ATP2A2: variants seen among roughly 807,000 people sequenced by gnomAD.
ATP2A2 encodes the protein sarcoplasmic/endoplasmic reticulum calcium ATPase 2.
Under a neutral mutation model 109.3 loss-of-function variants are expected in ATP2A2, and 14 were observed. The ratio of observed to expected loss-of-function variants is 0.13; its 90% CI spans 0.08 to 0.20. The LOEUF (loss-of-function observed/expected upper bound fraction) is 0.20. Among genes scored for constraint, ATP2A2 ranks in the 10% least tolerant of loss-of-function variants. The pLI is 1.00. For missense variants in ATP2A2, 657 were observed against 1,321.6 expected (o/e 0.50, Z 7.80); for synonymous variants, 506 against 490.9 (o/e 1.03, Z -0.41).
rs1880206014 is a variant in ATP2A2 at position 110,349,555 on chromosome 12, AT to A, written c.*3086del. ...CAGTGAGCTCCCAGGCAAGCAGGGC[AT>A]CTGGCCGACTTCCCTCACAACAGCT... On this transcript the variant is annotated 3_prime_UTR_variant, in exon 20 of 20. Coordinates refer to ENST00000539276, the MANE Select transcript of ATP2A2 (RefSeq NM_170665.4). 2 of 986,514 alleles carry A rather than the reference AT, an allele frequency of 2.0e-6. 1 individual carries two copies. Among genetic ancestry groups the A allele is most frequent in the Admixed American group, 1.2e-4 (2 of 16,450 alleles). The allele number at this position is 986,514 out of a possible 1,614,324, so 61.1% of individuals were successfully genotyped here. A position where few individuals can be genotyped will look rare whatever the true frequency, so the allele number is the denominator to read the frequency against.
intron 5 of ATP2A2, among the ~76,000 whole-genome samples, chr12:110,313,948 A>G (rs1364365954): frequency 6.6e-6 from 1 of 151,110 alleles, no homozygotes; most frequent in East Asian, 2.0e-4. Context: ...TCCTGACCTC[A>G]AGAGATCCAC....
At chr12:110,345,203 G>A in intron 17 of ATP2A2, 46 bp from the exon 18 acceptor site, 3 of 1,613,974 alleles carry the variant, frequency 1.9e-6, no homozygotes, top group Non-Finnish European at 1.7e-6. Flanking sequence ...GCCTGGACTT[G>A]GGAAATATAC....
At position 110,340,372 on chromosome 12, in the gene ATP2A2, C is replaced by CT; in HGVS notation, c.1762-286dup. ...TGACCAACATGGAGAAACCACATCT[C>CT]TACTAAAAATACAAAATTAGCCAGG... On this transcript the variant is annotated intron_variant, in intron 13 of 19. Transcript: ENST00000539276. The surrounding 1 kb of genome is among the most constrained non-coding windows in gnomAD (Gnocchi z 6.0). Among the ~76,000 whole-genome samples the CT allele has an allele frequency of 6.6e-6, 1 of 152,118 alleles. No individual in the cohort carries two copies. The highest frequency in any genetic ancestry group is 2.1e-4 in the South Asian group (1 of 4,816).
rs1879191574 is a variant in ATP2A2, at chr12:110,339,958, A to T, written c.1761+237A>T. Among the ~76,000 whole-genome samples, 1 of 152,258 alleles carries T rather than the reference A, an allele frequency of 6.6e-6. No homozygotes were observed. Among genetic ancestry groups the T allele is most frequent in the African/African-American group, 2.4e-5 (1 of 41,470 alleles). On this transcript the variant is annotated intron_variant, in intron 13 of 19. Coordinates refer to ENST00000539276, the MANE Select transcript of ATP2A2 (RefSeq NM_170665.4). This position sits in a 1 kb window ranked among gnomAD's most constrained non-coding sequence, Gnocchi z 4.4. ...GAATATTTTCAAAGTAGAATAATCA[A>T]GATGAGCTTAAGCTTGTAAACCCCA...
chr12:110,327,210 G>C lies in ATP2A2; in HGVS notation c.631-343G>C, dbSNP rs185442263. Among the ~76,000 whole-genome samples, 13 of 152,258 alleles carry C rather than the reference G, an allele frequency of 8.5e-5. No individual in the cohort carries two copies. In the East Asian group the frequency reaches 2.5e-3, roughly 29 times the overall value. On this transcript the variant is annotated intron_variant, in intron 7 of 19. Transcript: ENST00000539276. The surrounding 1 kb of genome is among the most constrained non-coding windows in gnomAD (Gnocchi z 4.4). ...TTCTATTACAGTGAGAAAAGTAGGGGCCTTGAGTTGTTGGAGCCAGAAGTG... is the reference window on the plus strand; with the variant it reads ...TTCTATTACAGTGAGAAAAGTAGGGCCCTTGAGTTGTTGGAGCCAGAAGTG...
chr12:110,328,657 C>T (rs534780107), intron 8 of ATP2A2, among the ~76,000 whole-genome samples: 1 of 152,206 alleles, frequency 6.6e-6, no homozygotes, highest in Non-Finnish European at 1.5e-5. Context: ...CAGCCTCAAC[C>T]TCCCAGGCTC....
chr12:110,293,542 G>A (rs903782400), intron 4 of ATP2A2, among the ~76,000 whole-genome samples: 2 of 150,950 alleles, frequency 1.3e-5, no homozygotes, highest in African/African-American at 4.9e-5. Flanking sequence ...TTACAGGCAC[G>A]TGCCACCATG....
At position 110,350,323 on chromosome 12, in the gene ATP2A2, T is replaced by C; in HGVS notation, c.*3853T>C. ...TGGAGTAACCGCTTCCTAAACCATTTTGCAGAAATGTAAGGGTGTTCGGTT... is the reference window on the plus strand; with the variant it reads ...TGGAGTAACCGCTTCCTAAACCATTCTGCAGAAATGTAAGGGTGTTCGGTT... On this transcript the variant is annotated 3_prime_UTR_variant, in exon 20 of 20. Transcript: ENST00000539276. The C allele has an allele frequency of 6.2e-7, 1 of 1,614,242 alleles. No homozygotes were observed. The highest frequency in any genetic ancestry group is 8.5e-7 in the Non-Finnish European group (1 of 1,180,044).
rs1877910301 is a variant in ATP2A2 at position 110,327,343 on chromosome 12, G to A, written c.631-210G>A. 6.6e-6 allele frequency among the ~76,000 whole-genome samples: 1 copy of A among 152,188 alleles called. No homozygotes were observed. The highest frequency in any genetic ancestry group is 2.4e-5 in the African/African-American group (1 of 41,434). On this transcript the variant is annotated intron_variant, in intron 7 of 19. Coordinates refer to ENST00000539276, the MANE Select transcript of ATP2A2 (RefSeq NM_170665.4). This position sits in a 1 kb window ranked among gnomAD's most constrained non-coding sequence, Gnocchi z 4.4. Reference sequence around the variant, plus strand: ...AAGCCGGGCTCAAATAGAAATCTAGGTGGGTCAGTACAGAGCTGCCTGACA... The same window carrying A: ...AAGCCGGGCTCAAATAGAAATCTAGATGGGTCAGTACAGAGCTGCCTGACA...
intron 4 of ATP2A2, 42 bp downstream of exon 4, chr12:110,292,166 G>T: frequency 7.3e-7 from 1 of 1,376,814 alleles, no homozygotes; most frequent in Non-Finnish European, 1.0e-6. Context: ...AATAAGTTAT[G>T]TAAGTGATTA....
chr12:110,327,544 C>G lies in ATP2A2; in HGVS notation c.631-9C>G. 6.2e-7 allele frequency: 1 copy of G among 1,612,628 alleles called. No homozygotes were observed. Among genetic ancestry groups the G allele is most frequent in the Non-Finnish European group, 8.5e-7 (1 of 1,178,642 alleles). On this transcript the variant is annotated splice_polypyrimidine_tract_variant and intron_variant, in intron 7 of 19. Coordinates refer to ENST00000539276, the MANE Select transcript of ATP2A2 (RefSeq NM_170665.4). This position sits in a 1 kb window ranked among gnomAD's most constrained non-coding sequence, Gnocchi z 4.4. Reference sequence around the variant, plus strand: ...TCATCTTGTGACCAGTTCTCTACTTCTGTCCTAGGGTACAAACATTGCTGC... The same window carrying G: ...TCATCTTGTGACCAGTTCTCTACTTGTGTCCTAGGGTACAAACATTGCTGC...
chr12:110,300,215 CAG>C (rs1272663489), intron 5 of ATP2A2, among the ~76,000 whole-genome samples: 13 of 129,644 alleles, frequency 1.0e-4, no homozygotes, highest in Admixed American at 4.3e-4. Context: ...AACTTGGAGA[CAG>C]GGGCTTGCTC....
intron 6 of ATP2A2, 43 bp downstream of exon 6, chr12:110,323,115 G>A (rs749148703): frequency 6.9e-6 from 10 of 1,452,956 alleles, no homozygotes; most frequent in Admixed American, 3.3e-5. Context: ...GAAGACCTTC[G>A]CATATTCCAT....
chr12:110,347,629 TGTATA>T lies in ATP2A2; in HGVS notation c.*1161_*1165del. The stretch of plus-strand genomic sequence containing the variant: ...ATAGCACATGACCAAATGAACATAT[TGTATA>T]GAACTATTTTTATTTGAATGTGGCA... On this transcript the variant is annotated 3_prime_UTR_variant, in exon 20 of 20. Coordinates refer to ENST00000539276, the MANE Select transcript of ATP2A2 (RefSeq NM_170665.4). The T allele has an allele frequency of 3.4e-6, 4 of 1,192,142 alleles. No individual in the cohort carries two copies. In the African/African-American group the frequency reaches 4.8e-5, roughly 14 times the overall value. 73.8% of individuals were successfully genotyped at this position (1,192,142 alleles called of 1,614,324 possible).
chr12:110,292,131 A>C lies in ATP2A2; in HGVS notation c.324+7A>C. 1 of 1,603,952 alleles carries C rather than the reference A, an allele frequency of 6.2e-7. No individual in the cohort carries two copies. Among genetic ancestry groups the C allele is most frequent in the Non-Finnish European group, 8.5e-7 (1 of 1,170,732 alleles). ...AATTGTGGGTGTATGGCAGGTAAGC[A>C]AAAATTCCTGTACTGCAAAATTTCA... On this transcript the variant is annotated splice_region_variant and intron_variant, in intron 4 of 19. Transcript: ENST00000539276.
In ATP2A2 at chr12:110,281,498, C is replaced by T. The variant is rs890217451; in HGVS notation, c.-292C>T. 5.6e-6 allele frequency: 1 copy of T among 179,018 alleles called. No individual in the cohort carries two copies. The highest frequency in any genetic ancestry group is 1.5e-4 in the East Asian group (1 of 6,608). 11.1% of individuals were successfully genotyped at this position (179,018 alleles called of 1,614,324 possible). A position where few individuals can be genotyped will look rare whatever the true frequency, so the allele number is the denominator to read the frequency against. On this transcript the variant is annotated 5_prime_UTR_variant, in exon 1 of 20. Coordinates refer to ENST00000539276, the MANE Select transcript of ATP2A2 (RefSeq NM_170665.4). The stretch of plus-strand genomic sequence containing the variant: ...GCTCGGGGGCCGCGGCCTGCCCTCC[C>T]GGCGGGCGGCTGAGGGCGAGGGAGG...
In ATP2A2 at chr12:110,346,187, TC is replaced by T. The variant is rs1566243363; in HGVS notation, c.2860-11del. On this transcript the variant is annotated splice_polypyrimidine_tract_variant and intron_variant, in intron 19 of 19. Coordinates refer to ENST00000539276, the MANE Select transcript of ATP2A2 (RefSeq NM_170665.4). ...GGGAGGCTGGAGGCGTGACACGTCT[TC>T]CCTGTGTGTCAGCTCATCTTCCAGA... The T allele has an allele frequency of 1.2e-6, 2 of 1,613,960 alleles. No homozygotes were observed. The highest frequency in any genetic ancestry group is 1.7e-6 in the Non-Finnish European group (2 of 1,180,030).
At chr12:110,316,710 C>T (rs1876705523) in intron 5 of ATP2A2, among the ~76,000 whole-genome samples, 1 of 152,140 alleles carries the variant, frequency 6.6e-6, no homozygotes, top group Non-Finnish European at 1.5e-5. Context: ...ACAGGATGCT[C>T]TGTGGGCACA....
Position 110,350,188 on chromosome 12 carries a change from T to G in ATP2A2, c.*3718T>G. ...AACCTTGAAAAGATCAAGCTGAATGTTCCTTTTCATCTGTCGCTGTTGATC... is the reference window on the plus strand; with the variant it reads ...AACCTTGAAAAGATCAAGCTGAATGGTCCTTTTCATCTGTCGCTGTTGATC... On this transcript the variant is annotated 3_prime_UTR_variant, in exon 20 of 20. Transcript: ENST00000539276. 1 of 1,609,678 alleles carries G rather than the reference T, an allele frequency of 6.2e-7. No individual in the cohort carries two copies. The highest frequency in any genetic ancestry group is 1.1e-5 in the South Asian group (1 of 90,436).
Sources: allele counts gnomAD v4.1 joint callset (sites outside exome capture counted in the v4.1 genomes callset), GRCh38; gene constraint gnomAD v4.1.1; non-coding constraint Gnocchi (gnomAD v3.1); transcripts MANE v1.5; gene names NCBI Gene and HGNC (gene_info 2026-07-23, HGNC 2026-07-21).